AFF2: variants seen among roughly 807,000 people sequenced by gnomAD.
AFF2 encodes the protein AF4/FMR2 family member 2.
AFF2 carries 14 observed loss-of-function variants against 76.9 expected under a neutral mutation model. The observed-to-expected ratio is 0.18, with a 90% CI of 0.12 to 0.28. The LOEUF (loss-of-function observed/expected upper bound fraction) is 0.28. Among genes scored for constraint, AFF2 ranks in the 10% least tolerant of loss-of-function variants. The probability of loss-of-function intolerance (pLI) is 1.00; values close to 1 mark genes in which losing one functional copy is unlikely to be tolerated. For missense variants in AFF2, 868 were observed against 1,001.1 expected, an observed-to-expected ratio of 0.87 and a Z score of 1.79; for synonymous variants, 398 against 366.7, an observed-to-expected ratio of 1.09 and a Z score of -0.98.
At chrX:148,683,438 A>G (rs1255803254) in intron 3 of AFF2, among the ~76,000 whole-genome samples, 1 of 111,952 alleles carries the variant, frequency 8.9e-6, no homozygotes, top group Non-Finnish European at 1.9e-5. Context: ...TTAAAATACC[A>G]TGTTTTGAGC....
chrX:148,724,838 G>A (rs1476613141), intron 3 of AFF2, among the ~76,000 whole-genome samples: 1 of 112,603 alleles, frequency 8.9e-6, no homozygotes, highest in African/African-American at 3.2e-5. Context: ...AATAGCAATA[G>A]GGAGGACAGA....
At chrX:148,638,053 C>T (rs1209015353) in intron 1 of AFF2, among the ~76,000 whole-genome samples, 1 of 110,743 alleles carries the variant, frequency 9.0e-6, no homozygotes, top group Non-Finnish European at 1.9e-5. Flanking sequence ...TTCTAAAAGT[C>T]CATTCTTTGT....
At position 148,843,442 on chromosome X, in the gene AFF2, T is replaced by C. The variant is rs782359009; in HGVS notation, c.1262+9T>C. The C allele has an allele frequency of 8.3e-6, 10 of 1,203,215 alleles. No homozygotes were observed. In the East Asian group the frequency reaches 3.0e-4, roughly 36 times the overall value. On this transcript the variant is annotated intron_variant, in intron 7 of 20. Coordinates refer to ENST00000370460, the MANE Select transcript of AFF2 (RefSeq NM_002025.4). ...TCAGTGTCTTTCAAATCGTGAGTAG[T>C]TGGATCTCCAAATCAGGCCTTTTTG...
At chrX:148,846,290 C>A (rs1395218705) in intron 7 of AFF2, among the ~76,000 whole-genome samples, 1 of 111,809 alleles carries the variant, frequency 8.9e-6, no homozygotes, top group Non-Finnish European at 1.9e-5. Context: ...GTTTGGAGAC[C>A]TAGGTTTAAT....
chrX:148,535,203 T>C (rs1432454843), intron 1 of AFF2, among the ~76,000 whole-genome samples: 1 of 112,200 alleles, frequency 8.9e-6, no homozygotes, highest in East Asian at 2.8e-4. Context: ...ATTGTGGTTA[T>C]TATGATGTGA....
At chrX:148,854,678 A>T (rs1174987306) in intron 7 of AFF2, among the ~76,000 whole-genome samples, 1 of 111,452 alleles carries the variant, frequency 9.0e-6, no homozygotes, top group Non-Finnish European at 1.9e-5. Flanking sequence ...GATCATATTG[A>T]TGCTCCCAGA....
intron 8 of AFF2, among the ~76,000 whole-genome samples, chrX:148,890,094 T>C (rs781829215): frequency 8.9e-6 from 1 of 112,231 alleles, no homozygotes; most frequent in East Asian, 2.8e-4. Context: ...CTATCCTGTA[T>C]ATGGCAAACT....
At position 148,999,108 on chromosome X, in the gene AFF2, G is replaced by A. The variant is rs1174255240; in HGVS notation, c.*7776G>A. ...AAAGAGCACTTTAATAATATCCTCT[G>A]AGACCTAATGCAGTTTAACAAATGA... On this transcript the variant is annotated 3_prime_UTR_variant, in exon 21 of 21. Transcript: ENST00000370460. 1 of 111,614 alleles carries A rather than the reference G, an allele frequency of 9.0e-6. No individual in the cohort carries two copies. Among genetic ancestry groups the A allele is most frequent in the African/African-American group, 3.3e-5 (1 of 30,642 alleles). The allele number at this position is 111,614 out of a possible 1,213,427, so 9.2% of individuals were successfully genotyped here. A position where few individuals can be genotyped will look rare whatever the true frequency, so the allele number is the denominator to read the frequency against.
chrX:148,654,456 AAAAG>A (rs1161060828), intron 2 of AFF2, among the ~76,000 whole-genome samples: 3 of 111,600 alleles, frequency 2.7e-5, no homozygotes, highest in South Asian at 3.8e-4. Context: ...CATGGAGGAA[AAAAG>A]AAAGAAAGAT....
chrX:148,528,742 C>G (rs1477413865), intron 1 of AFF2, among the ~76,000 whole-genome samples: 1 of 111,537 alleles, frequency 9.0e-6, no homozygotes, highest in Non-Finnish European at 1.9e-5. Flanking sequence ...AGAAACAATC[C>G]GTTCTCAACT....
chrX:148,863,450 G>A (rs782705017), intron 7 of AFF2, among the ~76,000 whole-genome samples: 69 of 111,783 alleles, frequency 6.2e-4, no homozygotes, highest in African/African-American at 2.2e-3. Context: ...GGTTACCTGC[G>A]CTATGAAGTG....
intron 7 of AFF2, among the ~76,000 whole-genome samples, chrX:148,843,737 G>T (rs1270953558): frequency 9.0e-6 from 1 of 111,189 alleles, no homozygotes; most frequent in Non-Finnish European, 1.9e-5. Flanking sequence ...TCTTGTGAGG[G>T]ACCATTTCCT....
chrX:148,886,090 C>T (rs2071156560), intron 8 of AFF2, 105 bp downstream of exon 8: 1 of 621,268 alleles, frequency 1.6e-6, no homozygotes. Context: ...TGCTTTATCT[C>T]TGGGCTTTGG....
chrX:148,555,081 C>T (rs1035870389), intron 1 of AFF2, among the ~76,000 whole-genome samples: 21 of 112,201 alleles, frequency 1.9e-4, no homozygotes, highest in South Asian at 3.7e-4. Context: ...ACCTGCAAAA[C>T]GAATGGGCTT....
chrX:148,904,801 C>G (rs187084172), intron 9 of AFF2, among the ~76,000 whole-genome samples: 4 of 112,210 alleles, frequency 3.6e-5, no homozygotes, highest in Middle Eastern at 4.6e-3. Flanking sequence ...ATGAGATACT[C>G]TTAAATCATA....
chrX:148,879,755 A>AT (rs2071075862), intron 7 of AFF2, among the ~76,000 whole-genome samples: 1 of 83,995 alleles, frequency 1.2e-5, no homozygotes, highest in Non-Finnish European at 2.3e-5. Context: ...TCTTCTTTTG[A>AT]TTTTTTTACA....
chrX:148,758,298 C>A (rs1459153344), intron 3 of AFF2, among the ~76,000 whole-genome samples: 1 of 112,554 alleles, frequency 8.9e-6, no homozygotes, highest in East Asian at 2.8e-4. Flanking sequence ...CAACATGATT[C>A]TTAAGACACA....
Position 148,991,411 on chromosome X carries a change from A to C in AFF2, c.*79A>C. 2.0e-6 allele frequency: 2 copies of C among 1,007,878 alleles called. No homozygotes were observed. The highest frequency in any genetic ancestry group is 2.6e-6 in the Non-Finnish European group (2 of 762,367). 83.1% of individuals were successfully genotyped at this position (1,007,878 alleles called of 1,213,427 possible). A position where few individuals can be genotyped will look rare whatever the true frequency, so the allele number is the denominator to read the frequency against. On this transcript the variant is annotated 3_prime_UTR_variant, in exon 21 of 21. Coordinates refer to ENST00000370460, the MANE Select transcript of AFF2 (RefSeq NM_002025.4). ...CACTGATGGTCACTGGTGGAACTCC[A>C]CTCACTGGGGAACGTTCTCTTTGGT...
intron 1 of AFF2, among the ~76,000 whole-genome samples, chrX:148,565,642 G>A (rs2053161551): frequency 1.8e-5 from 2 of 110,762 alleles, no homozygotes; most frequent in African/African-American, 6.6e-5. Flanking sequence ...CAATCCATAT[G>A]CTTGCTCATA....
Sources: allele counts gnomAD v4.1 joint callset (sites outside exome capture counted in the v4.1 genomes callset), GRCh38; gene constraint gnomAD v4.1.1; transcripts MANE v1.5; gene names NCBI Gene and HGNC (gene_info 2026-07-23, HGNC 2026-07-21).